The following GTPBP1 variants were observed in gnomAD, a reference collection of about 807,000 sequenced individuals.
The protein encoded by GTPBP1 is GTP binding protein 1.
Under a neutral mutation model 62.0 loss-of-function variants are expected in GTPBP1, and 23 were observed. The ratio of observed to expected loss-of-function variants is 0.37; its 90% CI spans 0.27 to 0.53. The LOEUF is 0.53. GTPBP1 is among the 20% of genes least tolerant of loss of function. GTPBP1 has a pLI of 0.89. For synonymous variants in GTPBP1, 344 were observed against 364.4 expected (o/e 0.94, Z 0.64); for missense variants, 640 against 917.3 (o/e 0.70, Z 3.90).
chr22:38,729,768 TCTC>T, intron 11 of GTPBP1, 106 bp downstream of exon 11: 1 of 765,656 alleles, frequency 1.3e-6, no homozygotes. Context: ...GGCTAGAGGG[TCTC>T]CTCCACAGCT....
At chr22:38,722,207 C>A (rs1231866685) in intron 5 of GTPBP1, among the ~76,000 whole-genome samples, 1 of 152,170 alleles carries the variant, frequency 6.6e-6, no homozygotes, top group Non-Finnish European at 1.5e-5. Flanking sequence ...CATGAGGGAT[C>A]ATGCATGATC....
chr22:38,707,792 T>C (rs1436894180), intron 1 of GTPBP1, among the ~76,000 whole-genome samples: 2 of 152,194 alleles, frequency 1.3e-5, no homozygotes, highest in African/African-American at 4.8e-5. Flanking sequence ...AAATCATATG[T>C]ATATTAATAT....
At position 38,706,025 on chromosome 22, in the gene GTPBP1, A is replaced by G; in HGVS notation, c.70A>G (p.Ser24Gly). 7.0e-7 allele frequency: 1 copy of G among 1,418,940 alleles called. No homozygotes were observed. The highest frequency in any genetic ancestry group is 9.2e-7 in the Non-Finnish European group (1 of 1,085,984). 87.9% of individuals were successfully genotyped at this position (1,418,940 alleles called of 1,614,324 possible). ...GGCCTCTATGTTCGCCCCCGAGCCC[A>G]GCTCCCCGGGGGCGGCCAGGGCCGC... is the stretch of plus-strand genomic sequence containing the variant. ...VPASMFAPEP[S>G]SPGAARAAAA... The change falls in exon 1 of 12, where the codon AGC becomes GGC. Residue 24 changes from serine (S) to glycine (G), a missense_variant. Physicochemically the swap from Ser to Gly is moderately conservative, Grantham distance 56. Around this residue, in one of 4 missense-constraint regions of GTPBP1, gnomAD observed 215 missense variants for 235.1 expected, o/e 0.91. Transcript: ENST00000216044.
intron 10 of GTPBP1, 77 bp downstream of exon 10, chr22:38,728,238 C>A: frequency 9.5e-7 from 1 of 1,055,736 alleles, no homozygotes; most frequent in Non-Finnish European, 1.4e-6. Flanking sequence ...GAGTGCAGGG[C>A]AGAGGTTTAG....
Position 38,727,285 on chromosome 22 carries a change from T to C in GTPBP1, c.1474T>C (p.Phe492Leu). 6.2e-7 allele frequency: 1 copy of C among 1,602,268 alleles called. No individual in the cohort carries two copies. The highest frequency in any genetic ancestry group is 8.5e-7 in the Non-Finnish European group (1 of 1,174,140). Residue 492 changes from phenylalanine to leucine, a missense_variant, in exon 9 of 12, where the codon TTT (phenylalanine) becomes CTT (leucine). By Grantham distance (22) the Phe-to-Leu change is conservative. Around this residue, in one of 4 missense-constraint regions of GTPBP1, gnomAD observed 220 missense variants for 358.1 expected, o/e 0.61. Transcript: ENST00000216044. The surrounding 1 kb of genome is among the most constrained non-coding windows in gnomAD (Gnocchi z 6.5). ...PRLNPQASWE[F>L]EAEILVLHHP... Reference sequence around the variant, plus strand: ...TTTGAATCCCCAAGCCTCCTGGGAGTTTGAGGCCGAGATTCTCGTCCTCCA... The same window carrying C: ...TTTGAATCCCCAAGCCTCCTGGGAGCTTGAGGCCGAGATTCTCGTCCTCCA...
chr22:38,706,408 T>G (rs1423479750), intron 1 of GTPBP1: 3 of 307,480 alleles, frequency 9.8e-6, no homozygotes, highest in African/African-American at 6.5e-5. Flanking sequence ...GCCGAGATCG[T>G]AACCCCTCGG....
chr22:38,720,701 G>A (rs73157180), intron 4 of GTPBP1, among the ~76,000 whole-genome samples: 7,025 of 152,174 alleles, frequency 0.046, 226 homozygotes, highest in Non-Finnish European at 0.065. Flanking sequence ...GGTGATATTT[G>A]GAAACATTTA....
Position 38,729,517 on chromosome 22 carries a change from T to C in GTPBP1, c.1772T>C (p.Met591Thr), listed in dbSNP as rs1381772084. 1.2e-6 allele frequency: 2 copies of C among 1,609,284 alleles called. No homozygotes were observed. Among genetic ancestry groups the C allele is most frequent in the East Asian group, 2.3e-5 (1 of 44,050 alleles). Residue 591 changes from methionine to threonine, a missense_variant, in exon 11 of 12, where the codon ATG becomes ACG. By Grantham distance (81) the Met-to-Thr change is moderately conservative. Around this residue, in one of 4 missense-constraint regions of GTPBP1, gnomAD observed 117 missense variants for 107.1 expected, o/e 1.09. Transcript: ENST00000216044. Reference protein sequence around the residue: ...PMNSKPQQIKMQSTKKGPLTK... With the variant: ...PMNSKPQQIKTQSTKKGPLTK... Reference sequence around the variant, plus strand: ...AACTCCAAGCCGCAGCAGATTAAAATGCAGTCGACGAAAAAGGGCCCCCTG... The same window carrying C: ...AACTCCAAGCCGCAGCAGATTAAAACGCAGTCGACGAAAAAGGGCCCCCTG...
chr22:38,742,184 T>A, downstream of GTPBP1: 1 of 1,325,996 alleles, frequency 7.5e-7, no homozygotes, highest in Non-Finnish European at 1.0e-6. Context: ...AGGGAGTAAC[T>A]GCAAAATGGC....
chr22:38,740,666 G>T, downstream of GTPBP1: 1 of 572,440 alleles, frequency 1.7e-6, no homozygotes, highest in Non-Finnish European at 3.1e-6. This position sits in a 1 kb window ranked among gnomAD's most constrained non-coding sequence, Gnocchi z 4.8. Flanking sequence ...AGTCCAGAAT[G>T]TACTCTGCCT....
Position 38,716,358 on chromosome 22 carries a change from T to G in GTPBP1, c.485+271T>G. ...CCTGTGAGCCTGGAAACCAGGGTCA[T>G]GGAGAAGAGCCTTTTGTGCCTCTGG... On this transcript the variant is annotated intron_variant, in intron 3 of 11. Coordinates refer to ENST00000216044, the MANE Select transcript of GTPBP1 (RefSeq NM_004286.5). The surrounding 1 kb of genome is among the most constrained non-coding windows in gnomAD (Gnocchi z 5.2). 1.7e-6 allele frequency: 1 copy of G among 584,562 alleles called. No individual in the cohort carries two copies. The highest frequency in any genetic ancestry group is 3.0e-6 in the Non-Finnish European group (1 of 329,612). 36.2% of individuals were successfully genotyped at this position (584,562 alleles called of 1,614,324 possible). A position where few individuals can be genotyped will look rare whatever the true frequency, so the allele number is the denominator to read the frequency against.
At position 38,727,460 on chromosome 22, in the gene GTPBP1, C is replaced by A; in HGVS notation, c.1537+112C>A. On this transcript the variant is annotated intron_variant, in intron 9 of 11. Transcript: ENST00000216044. This position sits in a 1 kb window ranked among gnomAD's most constrained non-coding sequence, Gnocchi z 6.5. ...CAGCTGCAGCTGGGTGGTAGGCCTCCTTCCTGTTTAGTGATGCCGTTCCTT... is the reference window on the plus strand; with the variant it reads ...CAGCTGCAGCTGGGTGGTAGGCCTCATTCCTGTTTAGTGATGCCGTTCCTT... 1 of 1,049,768 alleles carries A rather than the reference C, an allele frequency of 9.5e-7. No homozygotes were observed. The highest frequency in any genetic ancestry group is 2.8e-5 in the East Asian group (1 of 36,266). The allele number at this position is 1,049,768 out of a possible 1,614,324, so 65.0% of individuals were successfully genotyped here. A position where few individuals can be genotyped will look rare whatever the true frequency, so the allele number is the denominator to read the frequency against.
rs1434016340 is a variant in GTPBP1, at chr22:38,731,480, A to T, written c.*776A>T. 1 of 152,732 alleles carries T rather than the reference A, an allele frequency of 6.5e-6. No homozygotes were observed. The highest frequency in any genetic ancestry group is 1.5e-5 in the Non-Finnish European group (1 of 68,150). 9.5% of individuals were successfully genotyped at this position (152,732 alleles called of 1,614,324 possible). ...TCGGGCCCTGACCCTGACCCTTGCC[A>T]CCAACCCAAAGACAGCTGGTGGGTT... On this transcript the variant is annotated 3_prime_UTR_variant, in exon 12 of 12. Transcript: ENST00000216044.
chr22:38,729,727 T>C (rs2092746796), intron 11 of GTPBP1, 65 bp downstream of exon 11: 1 of 1,258,976 alleles, frequency 7.9e-7, no homozygotes, highest in Admixed American at 3.5e-5. Flanking sequence ...TCTGATTCGG[T>C]GAGGGTGACA....
downstream of GTPBP1, chr22:38,741,131 C>T (rs778372584): frequency 2.4e-5 from 36 of 1,484,496 alleles, no homozygotes; most frequent in South Asian, 1.3e-4. Flanking sequence ...TGTCTGTTAG[C>T]GTCTTTGCTT....
chr22:38,728,464 A>G (rs1318779093), intron 10 of GTPBP1: 6 of 390,418 alleles, frequency 1.5e-5, no homozygotes, highest in South Asian at 9.0e-5. Context: ...ACAGGTTCCT[A>G]TGGCCTCACT....
At position 38,730,690 on chromosome 22, in the gene GTPBP1, G is replaced by A; in HGVS notation, c.1996G>A (p.Ala666Thr). ...VKSQGACVTP[A>T]SGC Reference sequence around the variant, plus strand: ...GTCCCAGGGGGCCTGTGTGACTCCTGCCAGCGGCTGCTGAACCTTCCCCTG... The same window carrying A: ...GTCCCAGGGGGCCTGTGTGACTCCTACCAGCGGCTGCTGAACCTTCCCCTG... The change falls in exon 12 of 12, where the codon GCC (alanine) becomes ACC (threonine). Residue 666 changes from alanine to threonine, a missense_variant. By Grantham distance (58) the Ala-to-Thr change is moderately conservative (BLOSUM62 0). Around this residue, in one of 4 missense-constraint regions of GTPBP1, gnomAD observed 117 missense variants for 107.1 expected, o/e 1.09. Transcript: ENST00000216044. This position sits in a 1 kb window ranked among gnomAD's most constrained non-coding sequence, Gnocchi z 5.6. 6.3e-7 allele frequency: 1 copy of A among 1,590,784 alleles called. No homozygotes were observed.
In GTPBP1 at chr22:38,721,853, A is replaced by G. The variant is rs1011886606; in HGVS notation, c.946A>G (p.Asn316Asp). Residue 316 changes from asparagine (N) to aspartate (D), a missense_variant, in exon 5 of 12, where the codon AAC becomes GAC. Physicochemically the swap from Asn to Asp is conservative, Grantham distance 23. Coordinates refer to ENST00000216044, the MANE Select transcript of GTPBP1 (RefSeq NM_004286.5). ...VVTKIDMCPA[N>D]ILQETLKLLQ... ...CACCAAGATTGACATGTGTCCTGCC[A>G]ACATCCTGCAAGGTAAGTGAAGCCT... 9 of 1,590,616 alleles carry G rather than the reference A, an allele frequency of 5.7e-6. No homozygotes were observed. The highest frequency in any genetic ancestry group is 6.9e-6 in the Non-Finnish European group (8 of 1,163,134).
In GTPBP1 at chr22:38,724,385, C is replaced by T. The variant is rs2092716230; in HGVS notation, c.1047C>T (p.Val349=). 1 of 1,610,246 alleles carries T rather than the reference C, an allele frequency of 6.2e-7. No homozygotes were observed. Among genetic ancestry groups the T allele is most frequent in the Admixed American group, 1.7e-5 (1 of 59,992 alleles). The change falls in exon 6 of 12, where the codon GTC becomes GTT. Residue 349 remains valine (V), a synonymous_variant. Coordinates refer to ENST00000216044, the MANE Select transcript of GTPBP1 (RefSeq NM_004286.5). The part of the protein sequence containing the change: ...VLVQSKDDVI[V]TASNFSSERM... ...TGCAGAGCAAAGATGATGTGATTGT[C>T]ACAGCCTCCAACTTCAGCTCTGAAA...
Sources: allele counts gnomAD v4.1 joint callset (sites outside exome capture counted in the v4.1 genomes callset), GRCh38; gene constraint gnomAD v4.1.1; regional missense constraint gnomAD v4.1.1; non-coding constraint Gnocchi (gnomAD v3.1); transcripts MANE v1.5; gene names NCBI Gene and HGNC (gene_info 2026-07-23, HGNC 2026-07-21).